Variants in SORCS2 observed in about 807,000 individuals in gnomAD.
SORCS2 encodes the protein VPS10 domain-containing receptor SorCS2.
In SORCS2, 100 loss-of-function variants were observed where a neutral mutation model predicts 141.6. The ratio of observed to expected loss-of-function variants is 0.71; its 90% CI spans 0.60 to 0.83. The LOEUF is 0.83. Among genes scored for constraint, SORCS2 ranks in the 40% least tolerant of loss-of-function variants. SORCS2 has a pLI of 0.00. For missense variants in SORCS2, 1,646 were observed against 1,560.2 expected, an observed-to-expected ratio of 1.05 and a Z score of -0.93; for synonymous variants, 789 against 676.9, an observed-to-expected ratio of 1.17 and a Z score of -2.57.
rs150465448 is a variant in SORCS2, at chr4:7,718,737, TTA to T, written c.2424+558_2424+559del. Among the ~76,000 whole-genome samples, 605 of 152,330 alleles carry T rather than the reference TTA, an allele frequency of 4.0e-3. 8 individuals carry two copies. The highest frequency in any genetic ancestry group is 0.014 in the African/African-American group (571 of 41,560). The stretch of plus-strand genomic sequence containing the variant: ...TGCTTTTTTTGCTTTAGAACAAGTG[TTA>T]TATTTTCTTCTGACGTTAAAAATAA... On this transcript the variant is annotated intron_variant, in intron 18 of 26. Coordinates refer to ENST00000507866, the MANE Select transcript of SORCS2 (RefSeq NM_020777.3).
intron 1 of SORCS2, among the ~76,000 whole-genome samples, chr4:7,194,776 A>G (rs1727070346): frequency 6.6e-6 from 1 of 152,198 alleles, no homozygotes; most frequent in Non-Finnish European, 1.5e-5. Context: ...CTCAGGTGGA[A>G]AGGCAACCCA....
intron 12 of SORCS2, among the ~76,000 whole-genome samples, chr4:7,700,882 G>A (rs930585584): frequency 6.6e-6 from 1 of 152,222 alleles, no homozygotes; most frequent in Admixed American, 6.5e-5. Flanking sequence ...CCCCGTGGAA[G>A]GGGCAGGGGT....
chr4:7,624,633 C>T (rs1215259585), intron 3 of SORCS2, among the ~76,000 whole-genome samples: 2 of 152,226 alleles, frequency 1.3e-5, no homozygotes, highest in Non-Finnish European at 2.9e-5. Flanking sequence ...CATTCCCTTG[C>T]CTTCCACTGT....
At chr4:7,652,355 C>G (rs1030791233) in intron 4 of SORCS2, among the ~76,000 whole-genome samples, 1 of 152,214 alleles carries the variant, frequency 6.6e-6, no homozygotes, top group African/African-American at 2.4e-5. Flanking sequence ...GGTCCTGTCT[C>G]TACCTGAGAT....
chr4:7,709,343 C>A (rs1403429420), intron 14 of SORCS2, among the ~76,000 whole-genome samples: 2 of 152,218 alleles, frequency 1.3e-5, no homozygotes, highest in African/African-American at 4.8e-5. Flanking sequence ...GTGCCAAGCC[C>A]TTCGCCCCGG....
chr4:7,433,931 T>C (rs1226124050), intron 2 of SORCS2: 5 of 1,613,636 alleles, frequency 3.1e-6, no homozygotes, highest in South Asian at 1.1e-5. Context: ...GCATGGGTGA[T>C]CATGAGCTCA....
At chr4:7,561,535 TG>T (rs1329298559) in intron 3 of SORCS2, among the ~76,000 whole-genome samples, 1 of 150,068 alleles carries the variant, frequency 6.7e-6, no homozygotes, top group African/African-American at 2.5e-5. Flanking sequence ...CATCCATCCA[TG>T]TATCCATTCA....
In SORCS2 at chr4:7,676,649, C is replaced by G. The variant is rs191028480; in HGVS notation, c.1341+420C>G. On this transcript the variant is annotated intron_variant, in intron 9 of 26. Coordinates refer to ENST00000507866, the MANE Select transcript of SORCS2 (RefSeq NM_020777.3). ...GTGCCCCATCTCTCTCCCTCTCTCCCTCTCTCTCTCTACCCCAGCCCCTTC... is the reference window on the plus strand; with the variant it reads ...GTGCCCCATCTCTCTCCCTCTCTCCGTCTCTCTCTCTACCCCAGCCCCTTC... Among the ~76,000 whole-genome samples, 793 of 151,046 alleles carry G rather than the reference C, an allele frequency of 5.3e-3. 6 individuals carry two copies. The highest frequency in any genetic ancestry group is 0.028 in the Middle Eastern group (8 of 286).
intron 3 of SORCS2, among the ~76,000 whole-genome samples, chr4:7,610,970 G>A (rs1300444619): frequency 6.6e-6 from 1 of 152,124 alleles, no homozygotes; most frequent in East Asian, 1.9e-4. Flanking sequence ...ACATCTCCAG[G>A]CATCAGCCCA....
intron 4 of SORCS2, among the ~76,000 whole-genome samples, chr4:7,652,492 C>T (rs1042250349): frequency 4.6e-5 from 7 of 152,110 alleles, no homozygotes; most frequent in African/African-American, 1.4e-4. Flanking sequence ...GGCACTGACC[C>T]GTGGGCCCCC....
At chr4:7,393,140 C>T (rs891718310) in intron 1 of SORCS2, among the ~76,000 whole-genome samples, 6 of 152,092 alleles carry the variant, frequency 3.9e-5, no homozygotes, top group Non-Finnish European at 5.9e-5. Context: ...CAGCCGCGGC[C>T]GACCTCTTGT....
chr4:7,274,080 A>G (rs1715315689), intron 1 of SORCS2, among the ~76,000 whole-genome samples: 1 of 152,218 alleles, frequency 6.6e-6, no homozygotes, highest in Non-Finnish European at 1.5e-5. Context: ...CCTGGATTTT[A>G]TGAACTCAGC....
At chr4:7,411,925 C>A (rs1725347134) in intron 2 of SORCS2, among the ~76,000 whole-genome samples, 1 of 152,252 alleles carries the variant, frequency 6.6e-6, no homozygotes, top group African/African-American at 2.4e-5. Flanking sequence ...GTGCTTTCAA[C>A]ACTGCTACAG....
At chr4:7,626,196 C>G (rs1176822016) in intron 3 of SORCS2, among the ~76,000 whole-genome samples, 3 of 151,910 alleles carry the variant, frequency 2.0e-5, no homozygotes, top group African/African-American at 7.3e-5. Flanking sequence ...GTATGAAATA[C>G]CGACCATTCA....
chr4:7,588,418 G>A (rs1370379179), intron 3 of SORCS2, among the ~76,000 whole-genome samples: 1 of 152,176 alleles, frequency 6.6e-6, no homozygotes, highest in Non-Finnish European at 1.5e-5. Flanking sequence ...TTTCTCCTTG[G>A]GGGCTGGGTT....
At chr4:7,373,915 C>A (rs911308634) in intron 1 of SORCS2, among the ~76,000 whole-genome samples, 2 of 152,100 alleles carry the variant, frequency 1.3e-5, no homozygotes, top group African/African-American at 4.8e-5. Flanking sequence ...TGATGAATTC[C>A]GTTTATCTAT....
intron 3 of SORCS2, among the ~76,000 whole-genome samples, chr4:7,539,885 G>C (rs1217659208): frequency 7.6e-6 from 1 of 130,996 alleles, no homozygotes. Flanking sequence ...CCTCCCTGCT[G>C]TGGGGGCCAC....
intron 1 of SORCS2, among the ~76,000 whole-genome samples, chr4:7,220,850 A>G (rs569896818): frequency 6.6e-6 from 1 of 152,174 alleles, no homozygotes; most frequent in South Asian, 2.1e-4. Flanking sequence ...TTTCCAGCAC[A>G]CCCCACGTTT....
At chr4:7,674,902 T>A (rs1368275987) in intron 8 of SORCS2, among the ~76,000 whole-genome samples, 1 of 151,876 alleles carries the variant, frequency 6.6e-6, no homozygotes, top group Non-Finnish European at 1.5e-5. Context: ...TACACCGTAA[T>A]TGGGAGGGGC....
Sources: gnomAD v4.1 joint callset for allele counts (sites outside exome capture counted in the v4.1 genomes callset) on GRCh38, gnomAD v4.1.1 for gene constraint, MANE v1.5 for transcripts, NCBI Gene and HGNC (gene_info 2026-07-23, HGNC 2026-07-21) for gene names.